PLS1: variants seen among roughly 807,000 people sequenced by gnomAD.
PLS1 encodes plastin 1.
PLS1 carries 32 observed loss-of-function variants against 73.7 expected under a neutral mutation model. The ratio of observed to expected loss-of-function variants is 0.43; its 90% confidence interval spans 0.33 to 0.58. PLS1 has a LOEUF of 0.58. Among genes scored for constraint, PLS1 ranks in the 20% least tolerant of loss-of-function variants. The probability of loss-of-function intolerance (pLI) is 0.04; values close to 1 mark genes in which losing one functional copy is unlikely to be tolerated. For synonymous variants in PLS1, 217 were observed against 261.3 expected, an observed-to-expected ratio of 0.83 and a Z score of 1.63; for missense variants, 633 against 740.5, an observed-to-expected ratio of 0.85 and a Z score of 1.68.
intron 1 of PLS1, among the ~76,000 whole-genome samples, chr3:142,605,219 T>C (rs965626297): frequency 1.3e-5 from 2 of 152,230 alleles, no homozygotes; most frequent in African/African-American, 2.4e-5. Flanking sequence ...AAGGCATTTA[T>C]TGATGTTTAA....
intron 3 of PLS1, 54 bp from the exon 4 acceptor site, chr3:142,670,939 T>C (rs2037592079): frequency 5.6e-6 from 7 of 1,239,000 alleles, no homozygotes; most frequent in Non-Finnish European, 8.1e-6. Context: ...ATATCCATTT[T>C]GTCAGGTTTT....
At chr3:142,698,351 C>T (rs1002765615) in intron 12 of PLS1, 26 of 230,456 alleles carry the variant, frequency 1.1e-4, no homozygotes, top group South Asian at 4.2e-4. Context: ...ATTGGTATAA[C>T]GTTCTGAATG....
At chr3:142,601,690 A>T (rs7428496) in intron 1 of PLS1, among the ~76,000 whole-genome samples, 98,044 of 151,150 alleles carry the variant, frequency 0.65, 33,552 homozygotes, top group African/African-American at 0.89. Flanking sequence ...ATTAAAAAAA[A>T]TTTTTTTATA....
intron 14 of PLS1, among the ~76,000 whole-genome samples, chr3:142,708,110 A>C (rs1050308996): frequency 1.3e-5 from 2 of 152,192 alleles, no homozygotes; most frequent in African/African-American, 4.8e-5. Context: ...TTAAGGGCTC[A>C]ATAAATGGGG....
chr3:142,642,708 T>C (rs1219619752), intron 1 of PLS1, among the ~76,000 whole-genome samples: 1 of 152,198 alleles, frequency 6.6e-6, no homozygotes, highest in African/African-American at 2.4e-5. Context: ...TAATTTTCAT[T>C]TAGCTTAATG....
Position 142,669,341 on chromosome 3 carries a change from A to C in PLS1, c.71-49A>C, listed in dbSNP as rs1469201766. 6.3e-6 allele frequency: 7 copies of C among 1,108,908 alleles called. No homozygotes were observed. In the Admixed American group the frequency reaches 1.5e-4, roughly 24 times the overall value. 68.7% of individuals were successfully genotyped at this position (1,108,908 alleles called of 1,614,324 possible). ...TCCTCCCAAAAGGCATCCTTATTGT[A>C]CACCTTCAACAAAGATTACAAAATA... On this transcript the variant is annotated intron_variant, in intron 2 of 15. Transcript: ENST00000457734.
At chr3:142,629,567 G>C (rs188642144) in intron 1 of PLS1, among the ~76,000 whole-genome samples, 1 of 152,172 alleles carries the variant, frequency 6.6e-6, no homozygotes, top group African/African-American at 2.4e-5. Context: ...GCACACATGG[G>C]TATGAGGAAA....
At chr3:142,660,034 G>T (rs1024262594) in intron 1 of PLS1, among the ~76,000 whole-genome samples, 1 of 152,094 alleles carries the variant, frequency 6.6e-6, no homozygotes, top group African/African-American at 2.4e-5. Context: ...GATAAAATTG[G>T]ATTTGATCTT....
intron 1 of PLS1, among the ~76,000 whole-genome samples, chr3:142,648,464 A>C (rs1364239040): frequency 6.6e-6 from 1 of 152,226 alleles, no homozygotes; most frequent in East Asian, 1.9e-4. Flanking sequence ...GAGAAAATTC[A>C]GTTGCGGGAG....
intron 5 of PLS1, among the ~76,000 whole-genome samples, chr3:142,677,692 T>G (rs2037751134): frequency 6.6e-6 from 1 of 152,002 alleles, no homozygotes; most frequent in African/African-American, 2.4e-5. Flanking sequence ...GGAGAAATGC[T>G]TAGATTACTA....
rs1279575100 is a variant in PLS1 at position 142,710,185 on chromosome 3, T to C, written c.1630-1316T>C. On this transcript the variant is annotated intron_variant, in intron 14 of 15. Coordinates refer to ENST00000457734, the MANE Select transcript of PLS1 (RefSeq NM_001145319.2). ...CAGGACTCTTTTTTTTTTTTTTTTT[T>C]CCCATCTCTGCTTTGCCATCTAATG... Among the ~76,000 whole-genome samples, 71 of 151,002 alleles carry C rather than the reference T, an allele frequency of 4.7e-4. 1 individual carries two copies. Among genetic ancestry groups the C allele is most frequent in the Admixed American group, 8.6e-4 (13 of 15,174 alleles).
intron 1 of PLS1, among the ~76,000 whole-genome samples, chr3:142,621,359 G>A (rs9857567): frequency 0.25 from 38,470 of 151,878 alleles, 6,927 homozygotes; most frequent in African/African-American, 0.52. Context: ...ATACCACAGA[G>A]GGTAATGTCC....
rs138407942 is a variant in PLS1, at chr3:142,694,805, A to C, written c.1256+258A>C. On this transcript the variant is annotated intron_variant, in intron 11 of 15. Transcript: ENST00000457734. ...TTTTTTATAGTTATTGATTGTAAAAATAATTTCAACTTTAACAGATTAGAG... is the reference window on the plus strand; with the variant it reads ...TTTTTTATAGTTATTGATTGTAAAACTAATTTCAACTTTAACAGATTAGAG... Among the ~76,000 whole-genome samples the C allele has an allele frequency of 1.9e-3, 294 of 152,368 alleles. 3 individuals are homozygous for C. Among genetic ancestry groups the C allele is most frequent in the Non-Finnish European group, 3.4e-3 (234 of 68,028 alleles).
chr3:142,628,267 G>T (rs73864563), intron 1 of PLS1, among the ~76,000 whole-genome samples: 22 of 152,222 alleles, frequency 1.4e-4, no homozygotes, highest in African/African-American at 5.3e-4. Context: ...TGTTTAGCTT[G>T]ATCTCTCTGA....
chr3:142,599,301 A>G (rs1248706299), intron 1 of PLS1, among the ~76,000 whole-genome samples: 1 of 149,016 alleles, frequency 6.7e-6, no homozygotes, highest in African/African-American at 2.5e-5. Context: ...CCCTAATTGT[A>G]TAGAGGAGGG....
chr3:142,685,429 G>C (rs868575244), intron 8 of PLS1, among the ~76,000 whole-genome samples: 8 of 152,118 alleles, frequency 5.3e-5, no homozygotes, highest in Non-Finnish European at 1.0e-4. Context: ...TCATTTTGTG[G>C]GTTGATGCAT....
intron 4 of PLS1, among the ~76,000 whole-genome samples, chr3:142,675,691 T>C (rs2037707608): frequency 6.8e-6 from 1 of 148,054 alleles, no homozygotes; most frequent in South Asian, 2.1e-4. Flanking sequence ...CCCGTTTTTT[T>C]TTTTGAAAGG....
At chr3:142,709,336 C>T (rs1053986529) in intron 14 of PLS1, among the ~76,000 whole-genome samples, 1 of 152,070 alleles carries the variant, frequency 6.6e-6, no homozygotes, top group Non-Finnish European at 1.5e-5. Context: ...AAAAGCAGAT[C>T]CAGATTACCA....
Position 142,689,665 on chromosome 3 carries a change from T to A in PLS1, c.1029T>A (p.Asp343Glu), listed in dbSNP as rs770786632. 2 of 1,611,028 alleles carry A rather than the reference T, an allele frequency of 1.2e-6. No individual in the cohort carries two copies. The highest frequency in any genetic ancestry group is 4.5e-5 in the East Asian group (2 of 44,676). Reference sequence around the variant, plus strand: ...CTGGACTCATGCTTCAAGAAGCAGATAAACTGGGCTGCAAACAGTTTGTTA... The same window carrying A: ...CTGGACTCATGCTTCAAGAAGCAGAAAAACTGGGCTGCAAACAGTTTGTTA... ...KRAGLMLQEA[D>E]KLGCKQFVTP... Residue 343 changes from aspartate to glutamate, a missense_variant, in exon 10 of 16, where the codon GAT (aspartate) becomes GAA (glutamate). Physicochemically the swap from Asp to Glu is conservative, Grantham distance 45. Coordinates refer to ENST00000457734, the MANE Select transcript of PLS1 (RefSeq NM_001145319.2).
Sources: gnomAD v4.1 joint callset for allele counts (sites outside exome capture counted in the v4.1 genomes callset) on GRCh38, gnomAD v4.1.1 for gene constraint, MANE v1.5 for transcripts, NCBI Gene and HGNC (gene_info 2026-07-23, HGNC 2026-07-21) for gene names.